The following MEIOSIN variants were observed in gnomAD, a reference collection of about 807,000 sequenced individuals.
MEIOSIN encodes the protein meiosis initiator protein.
MEIOSIN carries 18 observed loss-of-function variants against 23.4 expected under a neutral mutation model. That is an observed-to-expected ratio of 0.77 (90% CI 0.53 to 1.14). MEIOSIN has a LOEUF of 1.14. MEIOSIN is among the 50% of genes most tolerant of loss of function. The pLI, the probability that MEIOSIN is intolerant of heterozygous loss-of-function variation, is 0.00. For missense variants in MEIOSIN, 428 were observed against 242.9 expected (o/e 1.76, Z -5.07); for synonymous variants, 187 against 100.6 (o/e 1.86, Z -5.14).
chr19:45,740,383 G>A (rs1432608501), intron 3 of MEIOSIN, among the ~76,000 whole-genome samples: 1 of 152,176 alleles, frequency 6.6e-6, no homozygotes, highest in Non-Finnish European at 1.5e-5. Flanking sequence ...CAACCTTTAT[G>A]CCACCTCCTG....
intron 11 of MEIOSIN, 114 bp downstream of exon 11, chr19:45,759,604 A>G: frequency 1.5e-6 from 1 of 648,460 alleles, no homozygotes; most frequent in East Asian, 2.8e-5. Context: ...CCATCTACCC[A>G]TCTGTCCTTC....
At chr19:45,734,873 T>G (rs952173314) in intron 1 of MEIOSIN, among the ~76,000 whole-genome samples, 5 of 151,484 alleles carry the variant, frequency 3.3e-5, no homozygotes, top group Non-Finnish European at 5.9e-5. Context: ...TTTAGTGCCT[T>G]TTTAGAGGTT....
At chr19:45,748,111 T>G (rs1029509066) in intron 4 of MEIOSIN, among the ~76,000 whole-genome samples, 2 of 150,008 alleles carry the variant, frequency 1.3e-5, no homozygotes, top group African/African-American at 4.9e-5. Context: ...GGAGTCCCGC[T>G]CTGTACCCCA....
chr19:45,748,636 C>A (rs1968637299), intron 4 of MEIOSIN, among the ~76,000 whole-genome samples: 1 of 152,066 alleles, frequency 6.6e-6, no homozygotes, highest in East Asian at 1.9e-4. Context: ...GGGATGATGC[C>A]CAATTGCTTT....
intron 11 of MEIOSIN, 116 bp downstream of exon 11, chr19:45,759,606 C>G (rs1050437874): frequency 3.4e-5 from 22 of 650,418 alleles, no homozygotes; most frequent in African/African-American, 2.5e-4. Flanking sequence ...ATCTACCCAT[C>G]TGTCCTTCCA....
chr19:45,746,434 C>T (rs958281414), intron 4 of MEIOSIN, among the ~76,000 whole-genome samples: 4 of 152,178 alleles, frequency 2.6e-5, no homozygotes, highest in African/African-American at 9.7e-5. Flanking sequence ...CTTTCCTGTC[C>T]TACCGCTTCT....
chr19:45,759,117 C>T lies in MEIOSIN; in HGVS notation c.1168+84C>T, dbSNP rs1208279413. The T allele has an allele frequency of 6.1e-5, 42 of 684,890 alleles. 1 individual carries two copies. Among genetic ancestry groups the T allele is most frequent in the Middle Eastern group, 4.7e-4 (2 of 4,262 alleles). 42.4% of individuals were successfully genotyped at this position (684,890 alleles called of 1,614,324 possible). On this transcript the variant is annotated intron_variant, in intron 10 of 14. Transcript: ENST00000457052. Reference sequence around the variant, plus strand: ...CCTGCGCTGGGCCATCCTGGGTGCCCGGGGTGAATCCTGCCCTGGCCCTGC... The same window carrying T: ...CCTGCGCTGGGCCATCCTGGGTGCCTGGGGTGAATCCTGCCCTGGCCCTGC...
At chr19:45,762,446 G>A (rs1968966085) in intron 13 of MEIOSIN, among the ~76,000 whole-genome samples, 1 of 152,022 alleles carries the variant, frequency 6.6e-6, no homozygotes, top group African/African-American at 2.4e-5. Flanking sequence ...TTTGTTTTTT[G>A]AGACAGAGTC....
At position 45,761,789 on chromosome 19, in the gene MEIOSIN, ATCCAGCTCCAGC is replaced by A. The variant is rs59054027; in HGVS notation, c.1383_1394del (p.Ser462_Ser465del). ...CGCTGAGCGGGAACAGCAAGGCGCCATCCAGCTCCAGCTCCAGCTCCAGCTCCAGCTCCAGCT... is the reference window on the plus strand; with the variant it reads ...CGCTGAGCGGGAACAGCAAGGCGCCATCCAGCTCCAGCTCCAGCTCCAGCT... On this transcript the variant is annotated inframe_deletion, in exon 12 of 15. Coordinates refer to ENST00000457052, the MANE Select transcript of MEIOSIN (RefSeq NM_001310124.2). 7.9e-5 allele frequency: 53 copies of A among 671,538 alleles called. No homozygotes were observed. Among genetic ancestry groups the A allele is most frequent in the East Asian group, 2.0e-4 (7 of 35,694 alleles). The allele number at this position is 671,538 out of a possible 1,614,324, so 41.6% of individuals were successfully genotyped here.
chr19:45,753,395 C>T (rs2052352901), intron 5 of MEIOSIN, among the ~76,000 whole-genome samples: 1 of 152,058 alleles, frequency 6.6e-6, no homozygotes, highest in Admixed American at 6.6e-5. Context: ...TCAAGGTGCC[C>T]AGTCTGGGGA....
intron 3 of MEIOSIN, 70 bp from the exon 4 acceptor site, chr19:45,745,119 CAGG>C: frequency 1.4e-6 from 1 of 697,278 alleles, no homozygotes; most frequent in Non-Finnish European, 2.6e-6. Flanking sequence ...GTAACACAGA[CAGG>C]AGGTTTGCGG....
chr19:45,733,818 G>T lies in MEIOSIN; in HGVS notation c.-1+152G>T, dbSNP rs1968364485. Among the ~76,000 whole-genome samples the T allele has an allele frequency of 6.6e-6, 1 of 152,224 alleles. No individual in the cohort carries two copies. The highest frequency in any genetic ancestry group is 2.1e-4 in the South Asian group (1 of 4,834). On this transcript the variant is annotated intron_variant, in intron 1 of 14. Transcript: ENST00000457052. This position sits in a 1 kb window ranked among gnomAD's most constrained non-coding sequence, Gnocchi z 5.7. ...ATGCTCTGGGTGCAGGGCCACGGGC[G>T]ACGGAGTTTGGGTTTGAAGCCGGGG... is the stretch of plus-strand genomic sequence containing the variant.
rs966141326 is a variant in MEIOSIN, at chr19:45,756,013, T to C, written c.846T>C (p.Pro282=). Residue 282 remains proline (P), a synonymous_variant, in exon 8 of 15, where the codon CCT becomes CCC. Coordinates refer to ENST00000457052, the MANE Select transcript of MEIOSIN (RefSeq NM_001310124.2). The stretch of plus-strand genomic sequence containing the variant: ...GTGTCCAGGATGACGCACCTTTCCC[T>C]GCGCTCCTGGCTCAGGAAGATGTGG... ...QGSVQDDAPF[P]ALLAQEDVAR... is the part of the protein sequence containing the mutation. The C allele has an allele frequency of 1.0e-5, 7 of 702,922 alleles. No individual in the cohort carries two copies. The African/African-American group carries it at 1.2e-4, about 12-fold the overall frequency. 43.5% of individuals were successfully genotyped at this position (702,922 alleles called of 1,614,324 possible).
Position 45,763,997 on chromosome 19 carries a change from A to G in MEIOSIN, c.1796A>G (p.Gln599Arg). The change falls in exon 15 of 15, where the codon CAG (glutamine) becomes CGG (arginine). Residue 599 changes from glutamine to arginine, a missense_variant. Physicochemically the swap from Gln to Arg is conservative, Grantham distance 43. Transcript: ENST00000457052. ...YCTKARRFSR[Q>R]HNRIVKQDGS... ...ACCAAGGCTCGCAGGTTCAGCCGCC[A>G]GCACAACCGCATCGTGAAGCAGGAC... 2.5e-6 allele frequency: 1 copy of G among 398,720 alleles called. No homozygotes were observed. Among genetic ancestry groups the G allele is most frequent in the Admixed American group, 4.4e-5 (1 of 22,736 alleles). The allele number at this position is 398,720 out of a possible 1,614,324, so 24.7% of individuals were successfully genotyped here.
At chr19:45,743,383 A>G (rs1376081156) in intron 3 of MEIOSIN, among the ~76,000 whole-genome samples, 3 of 152,010 alleles carry the variant, frequency 2.0e-5, no homozygotes, top group Non-Finnish European at 1.5e-5. Flanking sequence ...AATGTGATAT[A>G]TATATATTTA....
Position 45,764,063 on chromosome 19 carries a change from C to T in MEIOSIN, c.1862C>T (p.Pro621Leu), listed in dbSNP as rs1600394923. ...GCTGAGGACTGGGAGACGCCAAAGCCCTTCTACCAGCTGCTGGCCGAGAAG... is the reference window on the plus strand; with the variant it reads ...GCTGAGGACTGGGAGACGCCAAAGCTCTTCTACCAGCTGCTGGCCGAGAAG... ...SEAEDWETPK[P>L]FYQLLAEKAL... Residue 621 changes from proline (P) to leucine (L), a missense_variant, in exon 15 of 15, where the codon CCC becomes CTC. Transcript: ENST00000457052. 2.5e-6 allele frequency: 1 copy of T among 398,648 alleles called. No homozygotes were observed. The highest frequency in any genetic ancestry group is 4.4e-6 in the Non-Finnish European group (1 of 226,068). 24.7% of individuals were successfully genotyped at this position (398,648 alleles called of 1,614,324 possible). A position where few individuals can be genotyped will look rare whatever the true frequency, so the allele number is the denominator to read the frequency against.
intron 5 of MEIOSIN, among the ~76,000 whole-genome samples, chr19:45,752,530 T>G (rs1968733579): frequency 6.6e-6 from 1 of 152,116 alleles, no homozygotes; most frequent in African/African-American, 2.4e-5. Flanking sequence ...TTGTTTGTTT[T>G]TTTGTAGAGA....
At chr19:45,759,297 A>T in intron 10 of MEIOSIN, 117 bp from the exon 11 acceptor site, 3 of 656,622 alleles carry the variant, frequency 4.6e-6, no homozygotes, top group Non-Finnish European at 8.3e-6. Flanking sequence ...AGGGTGGGAG[A>T]TCCTGAAGGA....
At position 45,757,228 on chromosome 19, in the gene MEIOSIN, A is replaced by G; in HGVS notation, c.963A>G (p.Leu321=). 1 of 703,006 alleles carries G rather than the reference A, an allele frequency of 1.4e-6. No homozygotes were observed. Among genetic ancestry groups the G allele is most frequent in the East Asian group, 2.7e-5 (1 of 37,290 alleles). The allele number at this position is 703,006 out of a possible 1,614,324, so 43.5% of individuals were successfully genotyped here. Residue 321 remains leucine, a synonymous_variant, in exon 9 of 15, where the codon CTA becomes CTG. Transcript: ENST00000457052. The part of the protein sequence containing the change: ...DSSEDVDKGS[L]DADPWLPAWT... ...GCGAGGATGTGGACAAAGGGTCCCT[A>G]GACGCTGACCCTTGGCTCCCTGCCT...
Sources: allele counts gnomAD v4.1 joint callset (sites outside exome capture counted in the v4.1 genomes callset), GRCh38; gene constraint gnomAD v4.1.1; non-coding constraint Gnocchi (gnomAD v3.1); transcripts MANE v1.5; gene names NCBI Gene and HGNC (gene_info 2026-07-23, HGNC 2026-07-21).